TMEM134: variants seen among roughly 807,000 people sequenced by gnomAD.
TMEM134 encodes the protein transmembrane protein 134.
In TMEM134, 36 loss-of-function variants were observed where a neutral mutation model predicts 26.2. That is an observed-to-expected ratio of 1.37 (90% CI 1.05 to 1.81). The LOEUF is 1.81. Ranked by LOEUF, TMEM134 falls within the 40% of genes most tolerant of loss-of-function variation. The pLI, the probability that TMEM134 is intolerant of heterozygous loss-of-function variation, is 0.00. For synonymous variants in TMEM134, 133 were observed against 113.6 expected, an observed-to-expected ratio of 1.17 and a Z score of -1.08; for missense variants, 339 against 263.5, an observed-to-expected ratio of 1.29 and a Z score of -1.98.
chr11:67,467,251 C>A, intron 4 of TMEM134, 61 bp downstream of exon 4: 1 of 1,531,644 alleles, frequency 6.5e-7, no homozygotes, highest in Non-Finnish European at 9.0e-7. Context: ...AGAGCCTGTA[C>A]AAAAGGAGGG....
rs993879569 is a variant in TMEM134 at position 67,463,694 on chromosome 11, C to A, written c.*920G>T. 3.3e-5 allele frequency: 5 copies of A among 152,108 alleles called. No individual in the cohort carries two copies. Among genetic ancestry groups the A allele is most frequent in the African/African-American group, 1.2e-4 (5 of 41,416 alleles). 9.4% of individuals were successfully genotyped at this position (152,108 alleles called of 1,614,324 possible). ...GGCTTGAGCCACCGTGCCCGGCCAT[C>A]CTGGGGTCTTTCAACAAATTGATAA... is the stretch of plus-strand genomic sequence containing the variant. On this transcript the variant is annotated 3_prime_UTR_variant, in exon 7 of 7. Coordinates refer to ENST00000308022, the MANE Select transcript of TMEM134 (RefSeq NM_025124.4).
chr11:67,465,571 G>A (rs1865198940), intron 4 of TMEM134, among the ~76,000 whole-genome samples: 1 of 134,100 alleles, frequency 7.5e-6, no homozygotes, highest in African/African-American at 2.7e-5. Context: ...AACAAGGGGG[G>A]TAGTAAGCCT....
Position 67,464,714 on chromosome 11 carries a change from T to A in TMEM134, c.506-18A>T. On this transcript the variant is annotated intron_variant, in intron 6 of 6. Coordinates refer to ENST00000308022, the MANE Select transcript of TMEM134 (RefSeq NM_025124.4). ...GTGATAGACTGCGGGGCGGGGCCTGTCAGCGCAGAAGCCCCGCCCCTCCCC... is the reference window on the plus strand; with the variant it reads ...GTGATAGACTGCGGGGCGGGGCCTGACAGCGCAGAAGCCCCGCCCCTCCCC... 6.4e-7 allele frequency: 1 copy of A among 1,551,314 alleles called. No homozygotes were observed. Among genetic ancestry groups the A allele is most frequent in the African/African-American group, 1.4e-5 (1 of 73,260 alleles).
chr11:67,468,897 G>A (rs955992333), intron 1 of TMEM134, 122 bp downstream of exon 1: 2 of 990,792 alleles, frequency 2.0e-6, no homozygotes, highest in Non-Finnish European at 2.7e-6. Context: ...CGGGGCGGGG[G>A]GGCGGTCTCG....
At position 67,464,425 on chromosome 11, in the gene TMEM134, G is replaced by A. The variant is rs1314954539; in HGVS notation, c.*189C>T. 1.6e-6 allele frequency: 1 copy of A among 630,740 alleles called. No homozygotes were observed. Among genetic ancestry groups the A allele is most frequent in the South Asian group, 1.9e-5 (1 of 52,554 alleles). 39.1% of individuals were successfully genotyped at this position (630,740 alleles called of 1,614,324 possible). On this transcript the variant is annotated 3_prime_UTR_variant, in exon 7 of 7. Coordinates refer to ENST00000308022, the MANE Select transcript of TMEM134 (RefSeq NM_025124.4). The stretch of plus-strand genomic sequence containing the variant: ...TAGCAGCCGCACGGCCCGAGAATAA[G>A]TTAAGGCACAGAGCAGGCGACGGGC...
intron 2 of TMEM134, 179 bp from the exon 3 acceptor site, chr11:67,467,769 G>A: frequency 1.5e-6 from 1 of 688,574 alleles, no homozygotes; most frequent in Non-Finnish European, 2.5e-6. Context: ...TGAGCTAGGG[G>A]ATTCTGTAGG....
At chr11:67,467,271 C>T in intron 4 of TMEM134, 41 bp downstream of exon 4, 2 of 1,602,072 alleles carry the variant, frequency 1.2e-6, no homozygotes, top group East Asian at 4.5e-5. Context: ...GCAGAGCCTC[C>T]CACGGGGCCC....
chr11:67,467,930 G>A, intron 2 of TMEM134, 98 bp downstream of exon 2: 6 of 1,139,758 alleles, frequency 5.3e-6, no homozygotes, highest in Non-Finnish European at 7.6e-6. Flanking sequence ...AGGACGGGAT[G>A]GAAGAGAGTG....
intron 4 of TMEM134, chr11:67,466,795 TC>T (rs1865278551): frequency 6.0e-6 from 1 of 166,140 alleles, no homozygotes; most frequent in Admixed American, 5.4e-5. Flanking sequence ...GACCAAAAGT[TC>T]CCCCATCTGA....
chr11:67,467,290 C>T (rs368132844), intron 4 of TMEM134, 22 bp downstream of exon 4: 296 of 1,612,898 alleles, frequency 1.8e-4, no homozygotes, highest in Admixed American at 4.7e-4. Flanking sequence ...CCCTCTTGAC[C>T]CCAACCCTCA....
chr11:67,467,353 C>G lies in TMEM134; in HGVS notation c.365G>C (p.Arg122Pro). Reference protein sequence around the residue: ...TQHPLIQKNRRVVLASFLLLL... With the variant: ...TQHPLIQKNRPVVLASFLLLL... Reference sequence around the variant, plus strand: ...GAGCAGGAAGGAGGCCAGCACCACTCGGCGGTTCTTCTGGATCAAAGGGTG... The same window carrying G: ...GAGCAGGAAGGAGGCCAGCACCACTGGGCGGTTCTTCTGGATCAAAGGGTG... The change falls in exon 4 of 7, where the codon CGA becomes CCA. Residue 122 changes from arginine (R) to proline (P), a missense_variant. By Grantham distance (103) the Arg-to-Pro change is moderately radical (BLOSUM62 -2). Transcript: ENST00000308022. The G allele has an allele frequency of 1.2e-6, 2 of 1,613,670 alleles. No homozygotes were observed. The highest frequency in any genetic ancestry group is 2.2e-5 in the East Asian group (1 of 44,880).
chr11:67,468,115 G>A (rs961905193), intron 1 of TMEM134, 23 bp from the exon 2 acceptor site: 15 of 1,553,440 alleles, frequency 9.7e-6, no homozygotes, highest in Non-Finnish European at 1.3e-5. Context: ...ACAGGTCTCA[G>A]GGGGGTTGCT....
At chr11:67,468,221 G>T (rs928634355) in intron 1 of TMEM134, 129 bp from the exon 2 acceptor site, 5 of 806,248 alleles carry the variant, frequency 6.2e-6, no homozygotes, top group Non-Finnish European at 1.0e-5. Context: ...CTGGCCCTCT[G>T]CCCTCCCCGC....
At position 67,468,151 on chromosome 11, in the gene TMEM134, C is replaced by A; in HGVS notation, c.175-59G>T. On this transcript the variant is annotated intron_variant, in intron 1 of 6. Coordinates refer to ENST00000308022, the MANE Select transcript of TMEM134 (RefSeq NM_025124.4). ...GGGCTGGGGCCCTTCCTCACTCCCT[C>A]CCGGGAAGAGAAAAGCAGGCCTACA... 2.7e-6 allele frequency: 4 copies of A among 1,489,940 alleles called. No homozygotes were observed. In the South Asian group the frequency reaches 4.8e-5, roughly 18 times the overall value. The allele number at this position is 1,489,940 out of a possible 1,614,324, so 92.3% of individuals were successfully genotyped here. A position where few individuals can be genotyped will look rare whatever the true frequency, so the allele number is the denominator to read the frequency against.
At chr11:67,467,685 C>G in intron 2 of TMEM134, 95 bp from the exon 3 acceptor site, 1 of 1,270,066 alleles carries the variant, frequency 7.9e-7, no homozygotes, top group South Asian at 1.2e-5. Flanking sequence ...GGTGCAGGGA[C>G]TGGGGCTGGC....
At position 67,469,020 on chromosome 11, in the gene TMEM134, T is replaced by G. The variant is rs1353147768; in HGVS notation, c.173A>C (p.Gln58Pro). 4.5e-5 allele frequency: 67 copies of G among 1,498,694 alleles called. No homozygotes were observed. The highest frequency in any genetic ancestry group is 5.8e-5 in the Non-Finnish European group (65 of 1,125,018). The allele number at this position is 1,498,694 out of a possible 1,614,324, so 92.8% of individuals were successfully genotyped here. A position where few individuals can be genotyped will look rare whatever the true frequency, so the allele number is the denominator to read the frequency against. ...DEDKQSRLRY[Q>P]NLENDEDGAQ... ...GGTTAGGTGGGCCGGGCGGTTCACC[T>G]GGTAGCGCAGCCGGGACTGCTTGTC... The change falls in exon 1 of 7, where the codon CAG (glutamine) becomes CCG (proline). Residue 58 changes from glutamine to proline, a missense_variant and splice_region_variant. By Grantham distance (76) the Gln-to-Pro change is moderately conservative. Coordinates refer to ENST00000308022, the MANE Select transcript of TMEM134 (RefSeq NM_025124.4).
chr11:67,464,296 T>G lies in TMEM134; in HGVS notation c.*318A>C. 2.2e-6 allele frequency: 1 copy of G among 447,860 alleles called. No individual in the cohort carries two copies. Among genetic ancestry groups the G allele is most frequent in the Non-Finnish European group, 4.1e-6 (1 of 244,484 alleles). The allele number at this position is 447,860 out of a possible 1,614,324, so 27.7% of individuals were successfully genotyped here. On this transcript the variant is annotated 3_prime_UTR_variant, in exon 7 of 7. Transcript: ENST00000308022. ...CAGGGTCAGTCCTTGGGAGGGGGGC[T>G]GTGGTCAGGCTGGTGGGCTGGGCTA...
Position 67,468,072 on chromosome 11 carries a change from A to C in TMEM134, c.195T>G (p.Asp65Glu), listed in dbSNP as rs575477178. The C allele has an allele frequency of 8.3e-6, 13 of 1,564,264 alleles. No individual in the cohort carries two copies. In the South Asian group the frequency reaches 1.5e-4, roughly 18 times the overall value. The part of the protein sequence containing the change: ...LRYQNLENDE[D>E]GAQASPEPDG... ...CCGGCTCCGGAGAGGCCTGGGCTCCATCCTCATCGTTCTCCAGGTTCTGTT... is the reference window on the plus strand; with the variant it reads ...CCGGCTCCGGAGAGGCCTGGGCTCCCTCCTCATCGTTCTCCAGGTTCTGTT... Residue 65 changes from aspartate (D) to glutamate (E), a missense_variant, in exon 2 of 7, where the codon GAT becomes GAG. By Grantham distance (45) the Asp-to-Glu change is conservative. Coordinates refer to ENST00000308022, the MANE Select transcript of TMEM134 (RefSeq NM_025124.4).
rs181343327 is a variant in TMEM134 at position 67,461,876 on chromosome 11, T to A, written c.*2738A>T. 6.6e-6 allele frequency: 1 copy of A among 152,234 alleles called. No individual in the cohort carries two copies. The highest frequency in any genetic ancestry group is 2.4e-5 in the African/African-American group (1 of 41,464). 9.4% of individuals were successfully genotyped at this position (152,234 alleles called of 1,614,324 possible). ...CTGTGGACTATACCTTGCTGATTCC[T>A]AACGCAGACTTCTAATGATGGGAAT... On this transcript the variant is annotated 3_prime_UTR_variant, in exon 7 of 7. Coordinates refer to ENST00000308022, the MANE Select transcript of TMEM134 (RefSeq NM_025124.4).
Sources: allele counts gnomAD v4.1 joint callset (sites outside exome capture counted in the v4.1 genomes callset), GRCh38; gene constraint gnomAD v4.1.1; transcripts MANE v1.5; gene names NCBI Gene and HGNC (gene_info 2026-07-23, HGNC 2026-07-21).